PTGER3: variants seen among roughly 807,000 people sequenced by gnomAD.
The protein encoded by PTGER3 is prostaglandin E receptor 3.
In PTGER3, 22 loss-of-function variants were observed where a neutral mutation model predicts 34.7. The observed-to-expected ratio is 0.63, with a 90% CI of 0.45 to 0.91. The LOEUF (loss-of-function observed/expected upper bound fraction) is 0.91. Among genes scored for constraint, PTGER3 ranks in the 40% least tolerant of loss-of-function variants. PTGER3 has a pLI of 0.00. For synonymous variants in PTGER3, 241 were observed against 230.1 expected (o/e 1.05, Z -0.43); for missense variants, 468 against 519.4 (o/e 0.90, Z 0.96).
chr1:70,916,221 T>C (rs1048941937), intron 4 of PTGER3, among the ~76,000 whole-genome samples: 1 of 151,510 alleles, frequency 6.6e-6, no homozygotes, highest in African/African-American at 2.4e-5. Flanking sequence ...TATTAAAAAG[T>C]CAAAAAACAA....
chr1:70,869,612 TG>T (rs1161112006), intron 4 of PTGER3, among the ~76,000 whole-genome samples: 1 of 152,202 alleles, frequency 6.6e-6, no homozygotes, highest in East Asian at 1.9e-4. Flanking sequence ...GTACAAGCAT[TG>T]GGTAAACATT....
chr1:70,954,364 T>TCC (rs781099676), intron 2 of PTGER3, among the ~76,000 whole-genome samples: 1 of 152,138 alleles, frequency 6.6e-6, no homozygotes, highest in Non-Finnish European at 1.5e-5. Context: ...TGTGAAGCTG[T>TCC]CCAGATCTGC....
intron 4 of PTGER3, among the ~76,000 whole-genome samples, chr1:70,899,107 CA>C (rs1220110988): frequency 1.3e-5 from 2 of 152,004 alleles, no homozygotes; most frequent in Non-Finnish European, 2.9e-5. Flanking sequence ...TAATATATGC[CA>C]AAATGCTCCA....
At chr1:70,912,213 C>A (rs556872299) in intron 4 of PTGER3, among the ~76,000 whole-genome samples, 2 of 152,096 alleles carry the variant, frequency 1.3e-5, no homozygotes, top group African/African-American at 4.8e-5. Context: ...CAGCTTTGAA[C>A]TCTGATTGCA....
At chr1:70,999,258 G>A (rs1267832815) in intron 2 of PTGER3, among the ~76,000 whole-genome samples, 1 of 152,134 alleles carries the variant, frequency 6.6e-6, no homozygotes, top group African/African-American at 2.4e-5. Flanking sequence ...AATTCATTTA[G>A]TGATAATAAT....
intron 1 of PTGER3, among the ~76,000 whole-genome samples, chr1:71,035,587 C>G (rs1001475142): frequency 1.3e-5 from 2 of 152,248 alleles, no homozygotes; most frequent in African/African-American, 4.8e-5. Flanking sequence ...CTCTACCCAT[C>G]TAATCCATTA....
intron 4 of PTGER3, among the ~76,000 whole-genome samples, chr1:70,927,035 T>C (rs1233596927): frequency 6.6e-6 from 1 of 152,274 alleles, no homozygotes; most frequent in African/African-American, 2.4e-5. Flanking sequence ...TGAAGCCCAC[T>C]TGATCGTGGT....
chr1:70,979,256 T>C (rs997737377), intron 2 of PTGER3, among the ~76,000 whole-genome samples: 13 of 152,126 alleles, frequency 8.5e-5, no homozygotes, highest in Admixed American at 7.9e-4. Context: ...CTACATTTTT[T>C]ATATGCAATG....
At chr1:70,881,935 A>G (rs1646399681) in intron 4 of PTGER3, among the ~76,000 whole-genome samples, 1 of 152,178 alleles carries the variant, frequency 6.6e-6, no homozygotes, top group Non-Finnish European at 1.5e-5. Flanking sequence ...TTGCTATGAG[A>G]GGCAGGGGTA....
chr1:70,885,520 A>G (rs886995907), intron 4 of PTGER3, among the ~76,000 whole-genome samples: 2 of 152,250 alleles, frequency 1.3e-5, no homozygotes, highest in Non-Finnish European at 2.9e-5. Flanking sequence ...AGTGGTACAT[A>G]TATTATGTAA....
chr1:71,006,357 G>GGGAAAAAAAA, intron 2 of PTGER3: 1 of 985,392 alleles, frequency 1.0e-6, no homozygotes, highest in Non-Finnish European at 1.2e-6. Flanking sequence ...GAAGAAGGAA[G>GGGAAAAAAAA]ACCAATAGTG....
Position 71,009,608 on chromosome 1 carries a change from T to C in PTGER3, c.1077+2697A>G, listed in dbSNP as rs1657268350. 15 of 984,924 alleles carry C rather than the reference T, an allele frequency of 1.5e-5. No individual in the cohort carries two copies. The South Asian group carries it at 6.6e-4, about 43-fold the overall frequency. The allele number at this position is 984,924 out of a possible 1,614,324, so 61.0% of individuals were successfully genotyped here. A position where few individuals can be genotyped will look rare whatever the true frequency, so the allele number is the denominator to read the frequency against. On this transcript the variant is annotated intron_variant, in intron 2 of 3. Transcript: ENST00000306666. ...TCATTGTTTGGAAAATCAACACTAC[T>C]TGGTAAAATTGACACTTGCTAATTT...
intron 4 of PTGER3, among the ~76,000 whole-genome samples, chr1:70,932,087 T>G (rs1190934996): frequency 6.6e-6 from 1 of 152,200 alleles, no homozygotes; most frequent in Non-Finnish European, 1.5e-5. Flanking sequence ...ATCATCTCTC[T>G]CAAGTTCAAA....
At chr1:70,928,779 AT>A (rs1648390723) in intron 4 of PTGER3, among the ~76,000 whole-genome samples, 1 of 151,968 alleles carries the variant, frequency 6.6e-6, no homozygotes, top group African/African-American at 2.4e-5. Context: ...ATTACTGATA[AT>A]TATAATTTAA....
At chr1:71,016,531 G>C (rs906592746) in intron 1 of PTGER3, among the ~76,000 whole-genome samples, 1 of 152,074 alleles carries the variant, frequency 6.6e-6, no homozygotes, top group Non-Finnish European at 1.5e-5. Context: ...GGCCAGGTGT[G>C]GTGGCTCATG....
chr1:70,967,161 A>G (rs143410085), downstream of PTGER3, among the ~76,000 whole-genome samples: 24 of 152,312 alleles, frequency 1.6e-4, no homozygotes, highest in African/African-American at 5.8e-4. Context: ...TAAGACTGCC[A>G]AAATGGCATA....
At chr1:70,944,441 G>A (rs148371302) in intron 4 of PTGER3, among the ~76,000 whole-genome samples, 15 of 152,062 alleles carry the variant, frequency 9.9e-5, no homozygotes, top group African/African-American at 3.1e-4. Context: ...AAGAAGTCAG[G>A]GCAAAAGACA....
intron 3 of PTGER3, 35 bp from the exon 4 acceptor site, chr1:70,971,768 T>C (rs776897453): frequency 2.1e-6 from 3 of 1,407,408 alleles, no homozygotes; most frequent in East Asian, 4.8e-5. Context: ...GCAATAAGCA[T>C]GGATGGGGAT....
intron 4 of PTGER3, among the ~76,000 whole-genome samples, chr1:70,912,932 A>G (rs868389945): frequency 2.6e-5 from 4 of 152,042 alleles, no homozygotes; most frequent in African/African-American, 9.6e-5. Context: ...GTCAAGTAGT[A>G]TAAGTCCTTC....
Sources: allele counts gnomAD v4.1 joint callset (sites outside exome capture counted in the v4.1 genomes callset), GRCh38; gene constraint gnomAD v4.1.1; transcripts MANE v1.5; gene names NCBI Gene and HGNC (gene_info 2026-07-23, HGNC 2026-07-21).